The following HACL1 variants were observed in gnomAD, a reference collection of about 807,000 sequenced individuals.
The protein encoded by HACL1 is 2-hydroxyacyl-CoA lyase 1.
HACL1 carries 64 observed loss-of-function variants against 74.2 expected under a neutral mutation model. That is an observed-to-expected ratio of 0.86 (90% CI 0.70 to 1.06). The LOEUF (loss-of-function observed/expected upper bound fraction) is 1.06. Ranked by LOEUF, HACL1 falls within the 50% of genes least tolerant of loss-of-function variation. HACL1 has a pLI of 0.00. For synonymous variants in HACL1, 230 were observed against 238.8 expected, an observed-to-expected ratio of 0.96 and a Z score of 0.34; for missense variants, 728 against 719.7, an observed-to-expected ratio of 1.01 and a Z score of -0.13.
At chr3:15,597,823 G>A (rs1428693454) in intron 2 of HACL1, among the ~76,000 whole-genome samples, 3 of 151,842 alleles carry the variant, frequency 2.0e-5, no homozygotes, top group African/African-American at 7.3e-5. Context: ...AAGAAATGCA[G>A]GCATGTAAAT....
intron 16 of HACL1, among the ~76,000 whole-genome samples, chr3:15,562,194 A>G (rs1042514488): frequency 1.3e-5 from 2 of 152,184 alleles, no homozygotes; most frequent in African/African-American, 4.8e-5. Context: ...AAAAAAGAAA[A>G]GGCAATCCAC....
At chr3:15,579,004 A>T (rs2063676024) in intron 9 of HACL1, among the ~76,000 whole-genome samples, 1 of 152,190 alleles carries the variant, frequency 6.6e-6, no homozygotes, top group Non-Finnish European at 1.5e-5. Flanking sequence ...GTGCAGACAG[A>T]CTCAAAACAG....
intron 9 of HACL1, among the ~76,000 whole-genome samples, chr3:15,575,377 G>GA (rs1440875090): frequency 3.3e-5 from 5 of 151,152 alleles, no homozygotes; most frequent in Admixed American, 6.6e-5. Context: ...AGGCAATCCA[G>GA]AAAAAAAACA....
Position 15,585,333 on chromosome 3 carries a change from T to G in HACL1, c.469A>C (p.Ser157Arg). 6.3e-7 allele frequency: 1 copy of G among 1,579,538 alleles called. No homozygotes were observed. The highest frequency in any genetic ancestry group is 8.7e-7 in the Non-Finnish European group (1 of 1,148,690). Residue 157 changes from serine (S) to arginine (R), a missense_variant, in exon 7 of 17, where the codon AGC becomes CGC. By Grantham distance (110) the Ser-to-Arg change is moderately radical. Coordinates refer to ENST00000321169, the MANE Select transcript of HACL1 (RefSeq NM_012260.4). ...GCACCTGGACGACCATAGATACTGC[T>G]TCTCACTGCCTACGTTCATTACAAG... ...IPFVIEKAVR[S>R]SIYGRPGACY...
chr3:15,573,044 T>A, intron 11 of HACL1, 115 bp downstream of exon 11: 1 of 640,716 alleles, frequency 1.6e-6, no homozygotes, highest in Non-Finnish European at 2.8e-6. Context: ...ATACATTTTG[T>A]TTAAAACAGA....
Position 15,566,904 on chromosome 3 carries a change from C to T in HACL1, c.1409+940G>A, listed in dbSNP as rs146231503. On this transcript the variant is annotated intron_variant, in intron 14 of 16. Coordinates refer to ENST00000321169, the MANE Select transcript of HACL1 (RefSeq NM_012260.4). Reference sequence around the variant, plus strand: ...TGCGATCTTGGCTCACTGCAAACTACACCTCCCAGGTTCAAGCGATTCTCC... The same window carrying T: ...TGCGATCTTGGCTCACTGCAAACTATACCTCCCAGGTTCAAGCGATTCTCC... Among the ~76,000 whole-genome samples, 168 of 147,546 alleles carry T rather than the reference C, an allele frequency of 1.1e-3. 1 individual carries two copies. The highest frequency in any genetic ancestry group is 4.0e-3 in the African/African-American group (159 of 40,040).
At chr3:15,592,543 T>G (rs188522443) in intron 3 of HACL1, among the ~76,000 whole-genome samples, 1 of 143,942 alleles carries the variant, frequency 6.9e-6, no homozygotes, top group African/African-American at 2.7e-5. Context: ...TATACACATG[T>G]ACGCACATGT....
At chr3:15,595,730 C>A (rs1029021841) in intron 3 of HACL1, among the ~76,000 whole-genome samples, 2 of 151,604 alleles carry the variant, frequency 1.3e-5, no homozygotes, top group South Asian at 4.2e-4. Flanking sequence ...CCTGCCTCAG[C>A]CTCCCGAGTA....
intron 14 of HACL1, among the ~76,000 whole-genome samples, chr3:15,566,191 A>G (rs2063431334): frequency 6.6e-6 from 1 of 152,242 alleles, no homozygotes; most frequent in African/African-American, 2.4e-5. Flanking sequence ...AAAAGCCCTA[A>G]TAAGAGCCCT....
At chr3:15,584,036 A>G (rs1423255213) in intron 7 of HACL1, among the ~76,000 whole-genome samples, 1 of 152,198 alleles carries the variant, frequency 6.6e-6, no homozygotes, top group African/African-American at 2.4e-5. Flanking sequence ...AAACTGTCAC[A>G]GTTAAGTATT....
At chr3:15,574,655 C>T (rs2063591916) in intron 10 of HACL1, among the ~76,000 whole-genome samples, 1 of 152,192 alleles carries the variant, frequency 6.6e-6, no homozygotes, top group South Asian at 2.1e-4. Flanking sequence ...TTGTTCTAGT[C>T]TACCATCCTA....
intron 9 of HACL1, among the ~76,000 whole-genome samples, chr3:15,579,258 C>T (rs1195577034): frequency 2.0e-5 from 3 of 152,036 alleles, no homozygotes; most frequent in Non-Finnish European, 4.4e-5. Flanking sequence ...GATCAACTCT[C>T]AAAAGAAAAG....
intron 4 of HACL1, among the ~76,000 whole-genome samples, chr3:15,590,595 T>C (rs567267357): frequency 6.6e-6 from 1 of 152,326 alleles, no homozygotes; most frequent in African/African-American, 2.4e-5. Flanking sequence ...CTAAATAGTT[T>C]ATATATAAAG....
chr3:15,592,511 C>A (rs138426062), intron 3 of HACL1, among the ~76,000 whole-genome samples: 2,375 of 145,394 alleles, frequency 0.016, 126 homozygotes, highest in Non-Finnish European at 0.023. Context: ...CTTGTATATA[C>A]ACTTGTATAC....
At chr3:15,593,698 A>G (rs567049863) in intron 3 of HACL1, among the ~76,000 whole-genome samples, 1 of 150,230 alleles carries the variant, frequency 6.7e-6, no homozygotes, top group African/African-American at 2.4e-5. Context: ...TTTTTTTTTC[A>G]TTTCTTAACA....
At chr3:15,593,535 T>C (rs1039986768) in intron 3 of HACL1, among the ~76,000 whole-genome samples, 2 of 151,748 alleles carry the variant, frequency 1.3e-5, no homozygotes, top group South Asian at 2.1e-4. Context: ...AAGAAAGATA[T>C]CGGATTTCTT....
At chr3:15,581,017 T>C (rs1427339991) in intron 8 of HACL1, among the ~76,000 whole-genome samples, 1 of 152,270 alleles carries the variant, frequency 6.6e-6, no homozygotes, top group Non-Finnish European at 1.5e-5. Context: ...TTCTCCTGCC[T>C]CAGCCTCCCA....
chr3:15,573,111 A>T, intron 11 of HACL1, 48 bp downstream of exon 11: 1 of 966,900 alleles, frequency 1.0e-6, no homozygotes, highest in South Asian at 1.3e-5. Flanking sequence ...TCAAGAATTG[A>T]CTATTCCCTA....
chr3:15,593,165 A>G (rs1444662362), intron 3 of HACL1, among the ~76,000 whole-genome samples: 1 of 150,036 alleles, frequency 6.7e-6, no homozygotes, highest in African/African-American at 2.5e-5. Context: ...ACACATACGT[A>G]TATATGTGTG....
Sources: gnomAD v4.1 joint callset for allele counts (sites outside exome capture counted in the v4.1 genomes callset) on GRCh38, gnomAD v4.1.1 for gene constraint, MANE v1.5 for transcripts, NCBI Gene and HGNC (gene_info 2026-07-23, HGNC 2026-07-21) for gene names.